The following PPFIA2 variants were observed in gnomAD, a reference collection of about 807,000 sequenced individuals.
The protein encoded by PPFIA2 is liprin-alpha-2.
In PPFIA2, 46 loss-of-function variants were observed where a neutral mutation model predicts 175.5. The ratio of observed to expected loss-of-function variants is 0.26; its 90% confidence interval spans 0.21 to 0.34. The LOEUF is 0.34. Among genes scored for constraint, PPFIA2 ranks in the 10% least tolerant of loss-of-function variants. The pLI is 1.00. For synonymous variants in PPFIA2, 568 were observed against 511.4 expected (o/e 1.11, Z -1.49); for missense variants, 1,179 against 1,506.1 (o/e 0.78, Z 3.60).
chr12:81,302,394 G>A (rs1436479752), intron 22 of PPFIA2, among the ~76,000 whole-genome samples: 1 of 152,076 alleles, frequency 6.6e-6, no homozygotes, highest in Non-Finnish European at 1.5e-5. Context: ...CAGAAGTATT[G>A]ATAACACAAT....
At chr12:81,281,550 T>C in intron 26 of PPFIA2, 100 bp from the exon 27 acceptor site, 1 of 793,822 alleles carries the variant, frequency 1.3e-6, no homozygotes, top group Non-Finnish European at 1.9e-6. Flanking sequence ...ATTACTATGA[T>C]ATGTGGAAAC....
chr12:81,432,880 T>A (rs1214175495), intron 7 of PPFIA2, among the ~76,000 whole-genome samples: 2 of 152,162 alleles, frequency 1.3e-5, no homozygotes, highest in Non-Finnish European at 1.5e-5. Flanking sequence ...AATCACATAT[T>A]ATATTATTAT....
chr12:81,278,836 G>C (rs2041304918), intron 27 of PPFIA2, among the ~76,000 whole-genome samples: 1 of 152,120 alleles, frequency 6.6e-6, no homozygotes, highest in African/African-American at 2.4e-5. Flanking sequence ...TACATGTTTA[G>C]GAATATAAGC....
rs2060315350 is a variant in PPFIA2 at position 81,353,162 on chromosome 12, T to A, written c.1951A>T (p.Met651Leu). Residue 651 changes from methionine to leucine, a missense_variant, in exon 17 of 33, where the codon ATG becomes TTG. Met to Leu is a conservative substitution (Grantham distance 15). This residue lies in a region of PPFIA2 where 11 missense variants were observed against 31.9 expected (regional missense o/e 0.35). Transcript: ENST00000549396. ...SGHSDAQTLAMMLQEQLDAIN... is the reference protein window; with the variant it reads ...SGHSDAQTLALMLQEQLDAIN... ...GCATCCAATTGTTCCTGAAGCATCA[T>A]GGCTAGCGTCTGGGCATCGGAATGA... is the stretch of plus-strand genomic sequence containing the variant. 1 of 1,613,766 alleles carries A rather than the reference T, an allele frequency of 6.2e-7. No homozygotes were observed. The highest frequency in any genetic ancestry group is 1.3e-5 in the African/African-American group (1 of 74,938).
chr12:81,520,725 G>A (rs1429582834), intron 4 of PPFIA2, among the ~76,000 whole-genome samples: 1 of 152,162 alleles, frequency 6.6e-6, no homozygotes, highest in Admixed American at 6.5e-5. Context: ...AGGGTCAGGA[G>A]GTGGTGACCA....
At chr12:81,644,984 G>A (rs186402066) in intron 4 of PPFIA2, among the ~76,000 whole-genome samples, 249 of 150,714 alleles carry the variant, frequency 1.7e-3, no homozygotes, top group African/African-American at 5.9e-3. Flanking sequence ...CACAAAGGGA[G>A]GAATAGTAAA....
intron 17 of PPFIA2, among the ~76,000 whole-genome samples, chr12:81,351,616 G>C (rs2060012306): frequency 6.6e-6 from 1 of 151,918 alleles, no homozygotes; most frequent in Non-Finnish European, 1.5e-5. Context: ...AACAATCTGA[G>C]GCTGGGTGTG....
At chr12:81,345,942 C>T (rs1373967122) in intron 18 of PPFIA2, among the ~76,000 whole-genome samples, 1 of 152,034 alleles carries the variant, frequency 6.6e-6, no homozygotes, top group African/African-American at 2.4e-5. Context: ...ATTAGCTGGG[C>T]ATTTTTTCTG....
intron 7 of PPFIA2, among the ~76,000 whole-genome samples, chr12:81,436,123 C>CA (rs1043021287): frequency 2.0e-5 from 3 of 149,248 alleles, no homozygotes; most frequent in East Asian, 2.0e-4. Flanking sequence ...ATAAAGAATA[C>CA]AAAAAAAATT....
At chr12:81,466,942 A>G (rs927140600) in intron 4 of PPFIA2, among the ~76,000 whole-genome samples, 1 of 147,908 alleles carries the variant, frequency 6.8e-6, no homozygotes, top group Admixed American at 6.8e-5. Context: ...TAATATACAT[A>G]AATATATATA....
intron 4 of PPFIA2, among the ~76,000 whole-genome samples, chr12:81,462,303 G>GTTAGAAAACATATATATATATAAATA (rs2054713898): frequency 7.7e-6 from 1 of 129,076 alleles, no homozygotes. Context: ...ATATATATAT[G>GTTAGAAAACATATATATATATAAATA]TTTTCTAAAA....
At chr12:81,478,092 TTA>T (rs1313094668) in intron 4 of PPFIA2, among the ~76,000 whole-genome samples, 1 of 152,170 alleles carries the variant, frequency 6.6e-6, no homozygotes, top group African/African-American at 2.4e-5. Flanking sequence ...TCAGATCTTG[TTA>T]TATGTCTATT....
At chr12:81,261,872 T>C (rs906934867) in intron 32 of PPFIA2, 77 bp downstream of exon 32, 18 of 931,288 alleles carry the variant, frequency 1.9e-5, no homozygotes, top group Admixed American at 5.1e-5. Context: ...CCAAAGAGTA[T>C]AGTGTATATT....
intron 4 of PPFIA2, among the ~76,000 whole-genome samples, chr12:81,664,075 C>G (rs1448579499): frequency 6.6e-6 from 1 of 152,100 alleles, no homozygotes; most frequent in Non-Finnish European, 1.5e-5. Context: ...AGACCTAAAA[C>G]CATAAAAACC....
intron 24 of PPFIA2, chr12:81,292,825 G>A (rs1217901658): frequency 6.6e-6 from 1 of 151,714 alleles, no homozygotes; most frequent in Non-Finnish European, 1.5e-5. Context: ...CATAATCCAG[G>A]TATAGTGAAA....
At chr12:81,746,942 T>C (rs2083139372) in intron 3 of PPFIA2, among the ~76,000 whole-genome samples, 1 of 143,752 alleles carries the variant, frequency 7.0e-6, no homozygotes, top group South Asian at 2.3e-4. Flanking sequence ...ATTAATAGCA[T>C]TGCTTAACAC....
At chr12:81,283,786 C>CT (rs1438570959) in intron 25 of PPFIA2, among the ~76,000 whole-genome samples, 3 of 151,902 alleles carry the variant, frequency 2.0e-5, no homozygotes, top group Non-Finnish European at 4.4e-5. Flanking sequence ...TAACATAACA[C>CT]TTTTTTGGTT....
chr12:81,720,278 T>C (rs2079146924), intron 3 of PPFIA2, among the ~76,000 whole-genome samples: 1 of 151,538 alleles, frequency 6.6e-6, no homozygotes, highest in African/African-American at 2.4e-5. Flanking sequence ...AAAAGGCTCT[T>C]ACTGATTATA....
At chr12:81,452,998 AT>A (rs147380144) in intron 5 of PPFIA2, among the ~76,000 whole-genome samples, 88 of 151,096 alleles carry the variant, frequency 5.8e-4, no homozygotes, top group East Asian at 1.6e-3. Context: ...TTTTTTTTTA[AT>A]TTTTTTTTAT....
Sources: gnomAD v4.1 joint callset for allele counts (sites outside exome capture counted in the v4.1 genomes callset) on GRCh38, gnomAD v4.1.1 for gene constraint, gnomAD v4.1.1 regional missense constraint, MANE v1.5 for transcripts, NCBI Gene and HGNC (gene_info 2026-07-23, HGNC 2026-07-21) for gene names.